The following NCAM1 variants were observed in gnomAD, a reference collection of about 807,000 sequenced individuals.
The protein encoded by NCAM1 is neural cell adhesion molecule 1, also known as antigen recognized by monoclonal antibody 5.1H11.
In NCAM1, 14 loss-of-function variants were observed where a neutral mutation model predicts 109.8. That is an observed-to-expected ratio of 0.13 (90% CI 0.08 to 0.20). The LOEUF is 0.20. NCAM1 is among the 10% of genes least tolerant of loss of function. NCAM1 has a pLI of 1.00. For missense variants in NCAM1, 774 were observed against 1,109.9 expected (o/e 0.70, Z 4.30); for synonymous variants, 418 against 442.9 (o/e 0.94, Z 0.70).
At chr11:113,054,520 G>C (rs1312003410) in intron 1 of NCAM1, among the ~76,000 whole-genome samples, 1 of 152,162 alleles carries the variant, frequency 6.6e-6, no homozygotes, top group African/African-American at 2.4e-5. Context: ...TCTAATTGCA[G>C]ATAATGGCTA....
intron 6 of NCAM1, 80 bp from the exon 7 acceptor site, chr11:113,207,753 A>C (rs1944278853): frequency 6.9e-7 from 1 of 1,447,604 alleles, no homozygotes; most frequent in Non-Finnish European, 9.4e-7. Flanking sequence ...CTCAGTCTGC[A>C]TTCTATGGAA....
At chr11:113,018,342 G>A (rs782701714) in intron 1 of NCAM1, among the ~76,000 whole-genome samples, 10 of 151,368 alleles carry the variant, frequency 6.6e-5, no homozygotes, top group Non-Finnish European at 1.2e-4. Flanking sequence ...TGAAAGAAGT[G>A]GGGAATGAAA....
Position 113,008,393 on chromosome 11 carries a change from T to C in NCAM1, c.52+46729T>C, listed in dbSNP as rs547440100. 2.0e-5 allele frequency among the ~76,000 whole-genome samples: 3 copies of C among 152,328 alleles called. No homozygotes were observed. In the South Asian group the frequency reaches 6.2e-4, roughly 32 times the overall value. On this transcript the variant is annotated intron_variant, in intron 1 of 19. Coordinates refer to ENST00000316851, the MANE Select transcript of NCAM1 (RefSeq NM_181351.5). ...TCAAGAAAAGCAAAGTGGTAATACATGGCTATAATGAATGTAGCCAAGACA... is the reference window on the plus strand; with the variant it reads ...TCAAGAAAAGCAAAGTGGTAATACACGGCTATAATGAATGTAGCCAAGACA...
At chr11:113,205,693 C>T in intron 4 of NCAM1, 27 bp downstream of exon 4, 1 of 1,605,734 alleles carries the variant, frequency 6.2e-7, no homozygotes, top group Non-Finnish European at 8.5e-7. Context: ...CTGGCATCTG[C>T]CTTTTCCCCA....
chr11:113,007,015 C>G (rs1951908946), intron 1 of NCAM1, among the ~76,000 whole-genome samples: 1 of 152,200 alleles, frequency 6.6e-6, no homozygotes, highest in South Asian at 2.1e-4. Context: ...GTGAGCATGA[C>G]ACACATTTTT....
intron 1 of NCAM1, among the ~76,000 whole-genome samples, chr11:113,063,105 G>A (rs553983422): frequency 1.2e-4 from 18 of 152,222 alleles, no homozygotes; most frequent in African/African-American, 2.7e-4. Context: ...TGAAGCAGCC[G>A]GAGGGACCAG....
chr11:113,136,453 C>G (rs1555099477), intron 1 of NCAM1, among the ~76,000 whole-genome samples: 1 of 152,118 alleles, frequency 6.6e-6, no homozygotes, highest in African/African-American at 2.4e-5. Flanking sequence ...GGAGCAAGGC[C>G]CCCCAGTGAG....
intron 1 of NCAM1, among the ~76,000 whole-genome samples, chr11:113,092,982 G>A (rs956007021): frequency 1.3e-5 from 2 of 152,188 alleles, no homozygotes; most frequent in African/African-American, 4.8e-5. Context: ...CTAACTTGCA[G>A]AAAACAATTA....
Position 113,174,761 on chromosome 11 carries a change from G to A in NCAM1, c.53-27618G>A, listed in dbSNP as rs182731452. Reference sequence around the variant, plus strand: ...GGATTATCCCTGAGGCTAAGAAAGAGCAAGTGGTGGTGAAGAGCAGGAAGC... The same window carrying A: ...GGATTATCCCTGAGGCTAAGAAAGAACAAGTGGTGGTGAAGAGCAGGAAGC... On this transcript the variant is annotated intron_variant, in intron 1 of 19. Transcript: ENST00000316851. 2.6e-5 allele frequency among the ~76,000 whole-genome samples: 4 copies of A among 152,326 alleles called. No homozygotes were observed. In the East Asian group the frequency reaches 7.7e-4, roughly 29 times the overall value.
rs1402684853 is a variant in NCAM1, at chr11:113,207,693, C to T, written c.747-140C>T. ...GGAATAAGAGGTGTATGTGGACGTT[C>T]AACTTGGTGCCTTAACTTTTTGTGA... On this transcript the variant is annotated intron_variant, in intron 6 of 19. Coordinates refer to ENST00000316851, the MANE Select transcript of NCAM1 (RefSeq NM_181351.5). 3.3e-6 allele frequency: 3 copies of T among 898,190 alleles called. No individual in the cohort carries two copies. The Admixed American group carries it at 7.3e-5, about 22-fold the overall frequency. 55.6% of individuals were successfully genotyped at this position (898,190 alleles called of 1,614,324 possible). A position where few individuals can be genotyped will look rare whatever the true frequency, so the allele number is the denominator to read the frequency against.
At chr11:113,219,417 C>G (rs1555114873) in intron 8 of NCAM1, among the ~76,000 whole-genome samples, 1 of 152,202 alleles carries the variant, frequency 6.6e-6, no homozygotes, top group Non-Finnish European at 1.5e-5. Flanking sequence ...AGAAATGCTT[C>G]ACTTTATTTT....
chr11:112,992,534 C>T (rs1222959319), intron 1 of NCAM1, among the ~76,000 whole-genome samples: 1 of 146,900 alleles, frequency 6.8e-6, no homozygotes, highest in Non-Finnish European at 1.5e-5. Context: ...CGGAGTCTCA[C>T]TCTGTTGCCC....
chr11:113,129,720 G>A (rs782344162), intron 1 of NCAM1, among the ~76,000 whole-genome samples: 4 of 152,192 alleles, frequency 2.6e-5, no homozygotes, highest in Non-Finnish European at 4.4e-5. Context: ...AGAGAGGCAG[G>A]AATGTGGATT....
chr11:113,102,628 G>A (rs1246805856), intron 1 of NCAM1, among the ~76,000 whole-genome samples: 1 of 152,020 alleles, frequency 6.6e-6, no homozygotes, highest in Non-Finnish European at 1.5e-5. Context: ...TTTGCAACTT[G>A]GTATTTAATA....
chr11:113,083,840 G>A (rs1333718057), intron 1 of NCAM1, among the ~76,000 whole-genome samples: 1 of 152,118 alleles, frequency 6.6e-6, no homozygotes, highest in Non-Finnish European at 1.5e-5. Flanking sequence ...CCCATGAGAT[G>A]GTGTGTAGTT....
At chr11:113,209,213 C>A (rs1490429948) in intron 7 of NCAM1, among the ~76,000 whole-genome samples, 1 of 152,182 alleles carries the variant, frequency 6.6e-6, no homozygotes, top group Non-Finnish European at 1.5e-5. Context: ...ACCTGGGAAT[C>A]AGGGTTGGGA....
chr11:113,222,332 T>TA (rs1343230544), intron 9 of NCAM1, among the ~76,000 whole-genome samples: 1 of 152,234 alleles, frequency 6.6e-6, no homozygotes, highest in African/African-American at 2.4e-5. Flanking sequence ...ACTCAAGTGT[T>TA]CAGGTCAAGG....
At chr11:112,971,248 CTCTG>C (rs1285281149) in intron 1 of NCAM1, among the ~76,000 whole-genome samples, 1 of 151,784 alleles carries the variant, frequency 6.6e-6, no homozygotes, top group Non-Finnish European at 1.5e-5. Flanking sequence ...CTCTCTCTGT[CTCTG>C]TCTCTCTCTC....
intron 1 of NCAM1, among the ~76,000 whole-genome samples, chr11:113,193,536 T>C (rs1217544008): frequency 1.3e-5 from 2 of 152,002 alleles, no homozygotes; most frequent in Non-Finnish European, 2.9e-5. Context: ...GCCTGTAATC[T>C]CAGCTACTTG....
Sources: gnomAD v4.1 joint callset for allele counts (sites outside exome capture counted in the v4.1 genomes callset) on GRCh38, gnomAD v4.1.1 for gene constraint, MANE v1.5 for transcripts, NCBI Gene and HGNC (gene_info 2026-07-23, HGNC 2026-07-21) for gene names.